The following GDPD5 variants were observed in gnomAD, a reference collection of about 807,000 sequenced individuals.
GDPD5 encodes glycerophosphodiester phosphodiesterase domain containing 5.
GDPD5 carries 48 observed loss-of-function variants against 75.1 expected under a neutral mutation model. The observed-to-expected ratio is 0.64, with a 90% CI of 0.51 to 0.81. The LOEUF is 0.81. GDPD5 is among the 40% of genes least tolerant of loss of function. GDPD5 has a pLI of 0.00. For missense variants in GDPD5, 706 were observed against 822.6 expected (o/e 0.86, Z 1.73); for synonymous variants, 336 against 339.0 (o/e 0.99, Z 0.10).
At chr11:75,468,761 G>A (rs1949586917) in intron 3 of GDPD5, among the ~76,000 whole-genome samples, 1 of 151,350 alleles carries the variant, frequency 6.6e-6, no homozygotes. Flanking sequence ...CACAGAACAA[G>A]GCCAGCCAAA....
intron 4 of GDPD5, among the ~76,000 whole-genome samples, chr11:75,458,633 C>T (rs1949343673): frequency 6.6e-6 from 1 of 151,704 alleles, no homozygotes; most frequent in Non-Finnish European, 1.5e-5. Flanking sequence ...GATCGCAGTA[C>T]TACACTCCAG....
chr11:75,470,285 G>C (rs1365359260), intron 3 of GDPD5, among the ~76,000 whole-genome samples: 1 of 152,164 alleles, frequency 6.6e-6, no homozygotes, highest in East Asian at 1.9e-4. Flanking sequence ...TTATGTAAGA[G>C]AATTAGCCTT....
intron 3 of GDPD5, among the ~76,000 whole-genome samples, chr11:75,469,803 G>A (rs754695379): frequency 1.3e-5 from 2 of 152,206 alleles, no homozygotes; most frequent in East Asian, 1.9e-4. Flanking sequence ...AACTTATGGT[G>A]TTGGGACATC....
chr11:75,448,465 A>C lies in GDPD5; in HGVS notation c.714+512T>G, dbSNP rs1457598874. 5 of 985,528 alleles carry C rather than the reference A, an allele frequency of 5.1e-6. No individual in the cohort carries two copies. In the Admixed American group the frequency reaches 1.8e-4, roughly 36 times the overall value. The allele number at this position is 985,528 out of a possible 1,614,324, so 61.0% of individuals were successfully genotyped here. A position where few individuals can be genotyped will look rare whatever the true frequency, so the allele number is the denominator to read the frequency against. On this transcript the variant is annotated intron_variant, in intron 9 of 16. Coordinates refer to ENST00000336898, the MANE Select transcript of GDPD5 (RefSeq NM_030792.8). ...CTGTGCTGGGATGCTAACTCAGGCA[A>C]CATGGCTCTGGAGCCTGCCCTCTCA...
chr11:75,464,065 A>G (rs991678222), intron 3 of GDPD5, among the ~76,000 whole-genome samples: 4 of 152,216 alleles, frequency 2.6e-5, no homozygotes, highest in Admixed American at 6.5e-5. Flanking sequence ...TTCTGCAAGG[A>G]CAGAGACTGA....
chr11:75,523,136 G>C (rs963627047), intron 1 of GDPD5, among the ~76,000 whole-genome samples: 15 of 152,198 alleles, frequency 9.9e-5, no homozygotes, highest in African/African-American at 2.7e-4. Context: ...GCCAGGCACT[G>C]CATCTTTGTA....
At chr11:75,496,572 T>C (rs1950212586) in intron 1 of GDPD5, among the ~76,000 whole-genome samples, 1 of 152,180 alleles carries the variant, frequency 6.6e-6, no homozygotes, top group South Asian at 2.1e-4. Context: ...CAGTGTGCAG[T>C]GGCTGTAACA....
At chr11:75,449,683 C>T in intron 7 of GDPD5, 73 bp from the exon 8 acceptor site, 1 of 1,466,528 alleles carries the variant, frequency 6.8e-7, no homozygotes, top group South Asian at 1.2e-5. Context: ...CAGCCTCCTA[C>T]TTCTACCTAT....
At position 75,441,273 on chromosome 11, in the gene GDPD5, TGTAGAG is replaced by T; in HGVS notation, c.1357_1362del (p.Leu453_Tyr454del). ...GAGAAGAGCCACGGTGCGTTGACTG[TGTAGAG>T]GTTCACACTCAGGTTCCAGGACGCG... On this transcript the variant is annotated inframe_deletion, in exon 14 of 17. Coordinates refer to ENST00000336898, the MANE Select transcript of GDPD5 (RefSeq NM_030792.8). 1 of 1,614,000 alleles carries T rather than the reference TGTAGAG, an allele frequency of 6.2e-7. No individual in the cohort carries two copies. Among genetic ancestry groups the T allele is most frequent in the Middle Eastern group, 1.6e-4 (1 of 6,062 alleles).
intron 1 of GDPD5, among the ~76,000 whole-genome samples, chr11:75,509,831 C>T (rs1767622406): frequency 6.6e-6 from 1 of 152,208 alleles, no homozygotes; most frequent in African/African-American, 2.4e-5. Flanking sequence ...AGGCACGCAC[C>T]ACCAAGCCCG....
chr11:75,441,806 G>T lies in GDPD5; in HGVS notation c.1168-3C>A. The T allele has an allele frequency of 6.2e-7, 1 of 1,605,512 alleles. No individual in the cohort carries two copies. ...TGCCTGCTAGGCAGCCACATGACCT[G>T]CAGGCAGAAGAGAGGCAGCCTCAGA... On this transcript the variant is annotated splice_region_variant and splice_polypyrimidine_tract_variant and intron_variant, in intron 12 of 16. Transcript: ENST00000336898.
chr11:75,447,555 C>T (rs752169812), intron 9 of GDPD5, among the ~76,000 whole-genome samples: 2 of 152,182 alleles, frequency 1.3e-5, no homozygotes, highest in Non-Finnish European at 2.9e-5. Flanking sequence ...GGATTCATTA[C>T]ATCCTTCTTC....
chr11:75,465,357 T>C (rs984102857), intron 3 of GDPD5, among the ~76,000 whole-genome samples: 20 of 152,110 alleles, frequency 1.3e-4, no homozygotes, highest in Admixed American at 1.2e-3. Flanking sequence ...CCTTCCAGAG[T>C]GCCTCCTCCC....
chr11:75,486,296 C>T (rs922488038), intron 2 of GDPD5, among the ~76,000 whole-genome samples: 2 of 152,188 alleles, frequency 1.3e-5, no homozygotes, highest in African/African-American at 2.4e-5. Flanking sequence ...TCCTGACAGT[C>T]ACCCTCCTGG....
chr11:75,519,085 C>T (rs61477121), intron 1 of GDPD5, among the ~76,000 whole-genome samples: 4,053 of 152,246 alleles, frequency 0.027, 85 homozygotes, highest in African/African-American at 0.046. Flanking sequence ...CCCCACCTGC[C>T]TTTCCGCCTT....
chr11:75,497,915 G>A (rs1035639754), intron 1 of GDPD5, among the ~76,000 whole-genome samples: 4 of 152,208 alleles, frequency 2.6e-5, no homozygotes, highest in South Asian at 2.1e-4. Context: ...CATCCACTGC[G>A]TCAAGCAGGG....
chr11:75,457,870 C>G (rs1949323308), intron 4 of GDPD5, 84 bp from the exon 5 acceptor site: 9 of 1,022,990 alleles, frequency 8.8e-6, no homozygotes, highest in African/African-American at 4.7e-5. Flanking sequence ...AGCCTCCACA[C>G]AGACGACAGG....
chr11:75,516,428 C>T (rs1176450696), intron 1 of GDPD5, among the ~76,000 whole-genome samples: 6 of 152,236 alleles, frequency 3.9e-5, no homozygotes, highest in African/African-American at 1.4e-4. Context: ...GGCAAGGAGA[C>T]CAAGCACTGC....
chr11:75,475,389 GC>G (rs1949757325), intron 3 of GDPD5, among the ~76,000 whole-genome samples: 1 of 152,128 alleles, frequency 6.6e-6, no homozygotes, highest in Non-Finnish European at 1.5e-5. Context: ...CTCCCTACCA[GC>G]CCCCGCAGAG....
Sources: allele counts gnomAD v4.1 joint callset (sites outside exome capture counted in the v4.1 genomes callset), GRCh38; gene constraint gnomAD v4.1.1; transcripts MANE v1.5; gene names NCBI Gene and HGNC (gene_info 2026-07-23, HGNC 2026-07-21).